DPP6: variants seen among roughly 807,000 people sequenced by gnomAD.
DPP6 encodes A-type potassium channel modulatory protein DPP6.
Under a neutral mutation model 122.6 loss-of-function variants are expected in DPP6, and 69 were observed. The observed-to-expected ratio is 0.56, with a 90% CI of 0.46 to 0.69. The LOEUF is 0.69. DPP6 is among the 30% of genes least tolerant of loss of function. The pLI is 0.00. For synonymous variants in DPP6, 418 were observed against 433.1 expected, an observed-to-expected ratio of 0.97 and a Z score of 0.43; for missense variants, 928 against 1,116.9, an observed-to-expected ratio of 0.83 and a Z score of 2.41.
intron 8 of DPP6, among the ~76,000 whole-genome samples, chr7:154,729,183 G>A (rs1233453612): frequency 1.3e-5 from 2 of 152,140 alleles, no homozygotes; most frequent in African/African-American, 4.8e-5. Context: ...TTCCAGCATG[G>A]GGCTGATGAA....
chr7:153,798,896 G>T, the DPP6 span, among the ~76,000 whole-genome samples: 1 of 152,132 alleles, frequency 6.6e-6, no homozygotes, highest in Non-Finnish European at 1.5e-5. Context: ...GCACAGACTA[G>T]ATCCCTTACA....
chr7:153,873,422 G>GCCTA, the DPP6 span, among the ~76,000 whole-genome samples: 8 of 152,102 alleles, frequency 5.3e-5, no homozygotes, highest in African/African-American at 1.9e-4. Context: ...TACGTTTGAG[G>GCCTA]CCTACCTAAT....
At chr7:154,205,376 G>C (rs1799387576) in intron 1 of DPP6, among the ~76,000 whole-genome samples, 1 of 152,142 alleles carries the variant, frequency 6.6e-6, no homozygotes, top group South Asian at 2.1e-4. Context: ...GACAACCACT[G>C]ATCCATTCTC....
intron 4 of DPP6, among the ~76,000 whole-genome samples, chr7:154,546,838 G>T (rs1257361162): frequency 6.6e-6 from 1 of 152,182 alleles, no homozygotes. Context: ...ATTAGAACTC[G>T]AGACTACTTT....
At chr7:154,799,764 G>C (rs1798246517) in intron 12 of DPP6, among the ~76,000 whole-genome samples, 1 of 152,236 alleles carries the variant, frequency 6.6e-6, no homozygotes, top group Admixed American at 6.5e-5. Flanking sequence ...TATCCAGAGA[G>C]ACTAGAAACG....
rs1795272986 is a variant in DPP6, at chr7:153,960,163, T to G, written c.51+72429T>G. The stretch of plus-strand genomic sequence containing the variant: ...TCATAAAGTAAAACTTTATGAAGTT[T>G]GGGGTACCTGTGGCCATTTCTTAAA... On this transcript the variant is annotated intron_variant, in intron 1 of 25. Transcript: ENST00000404039. Among the ~76,000 whole-genome samples the G allele has an allele frequency of 2.0e-5, 3 of 151,728 alleles. No homozygotes were observed. The South Asian group carries it at 6.2e-4, about 32-fold the overall frequency.
chr7:154,423,143 C>G (rs1026291637), intron 1 of DPP6, among the ~76,000 whole-genome samples: 1 of 152,148 alleles, frequency 6.6e-6, no homozygotes, highest in Admixed American at 6.5e-5. Flanking sequence ...AGATTTTAAT[C>G]AGCAACAACT....
chr7:154,783,682 C>T (rs542239746), intron 10 of DPP6, among the ~76,000 whole-genome samples: 5 of 152,314 alleles, frequency 3.3e-5, no homozygotes, highest in South Asian at 2.1e-4. Flanking sequence ...TTTGTCCCCT[C>T]GAGAGACAGT....
chr7:154,354,885 T>A (rs10266324), intron 1 of DPP6, among the ~76,000 whole-genome samples: 4 of 152,222 alleles, frequency 2.6e-5, no homozygotes, highest in African/African-American at 9.6e-5. Flanking sequence ...ATATTGATGG[T>A]TGTGAGCTAT....
intron 10 of DPP6, among the ~76,000 whole-genome samples, chr7:154,781,554 G>A (rs753289450): frequency 3.2e-4 from 49 of 152,252 alleles, no homozygotes; most frequent in Middle Eastern, 3.4e-3. Flanking sequence ...GCACTCTGCC[G>A]GCAGATGTTT....
chr7:153,984,622 G>A (rs1474505512), intron 1 of DPP6, among the ~76,000 whole-genome samples: 4 of 152,152 alleles, frequency 2.6e-5, no homozygotes, highest in East Asian at 1.9e-4. Flanking sequence ...TTTTGCATTC[G>A]CATAGCTGAA....
rs563589426 is a variant in DPP6 at position 153,955,739 on chromosome 7, C to T, written c.51+68005C>T. Among the ~76,000 whole-genome samples the T allele has an allele frequency of 3.9e-5, 6 of 152,060 alleles. No homozygotes were observed. In the East Asian group the frequency reaches 5.8e-4, roughly 15 times the overall value. On this transcript the variant is annotated intron_variant, in intron 1 of 25. Transcript: ENST00000404039. ...CAGGCGTGAGTCACTGCGCCCGGCC[C>T]GTTGTTGTTATTTTAGAATTAAGAA...
chr7:154,513,641 C>T (rs568408984), intron 3 of DPP6, among the ~76,000 whole-genome samples: 36 of 152,262 alleles, frequency 2.4e-4, no homozygotes, highest in African/African-American at 8.7e-4. Flanking sequence ...CCCTGGGAAA[C>T]ATGGGAAAAT....
At chr7:154,611,385 A>G (rs532558954) in intron 5 of DPP6, among the ~76,000 whole-genome samples, 3 of 152,310 alleles carry the variant, frequency 2.0e-5, no homozygotes, top group Admixed American at 6.5e-5. Context: ...TTCACACAAA[A>G]TAGTGGTTCA....
intron 1 of DPP6, among the ~76,000 whole-genome samples, chr7:154,207,112 G>T (rs1386767351): frequency 7.0e-6 from 1 of 141,968 alleles, no homozygotes; most frequent in Admixed American, 7.6e-5. Flanking sequence ...AGATGAAAAT[G>T]TGGAATATTG....
intron 15 of DPP6, among the ~76,000 whole-genome samples, chr7:154,806,563 G>A (rs1047186573): frequency 4.6e-5 from 7 of 152,206 alleles, no homozygotes; most frequent in South Asian, 2.1e-4. Flanking sequence ...ACATGCCAGC[G>A]TTTGGAACCC....
At chr7:154,284,299 A>C (rs1388733200) in intron 1 of DPP6, among the ~76,000 whole-genome samples, 2 of 152,234 alleles carry the variant, frequency 1.3e-5, no homozygotes, top group Non-Finnish European at 2.9e-5. Context: ...CAGATGAGTC[A>C]TGCAAATTTT....
chr7:154,293,714 A>C (rs764804082), intron 1 of DPP6, among the ~76,000 whole-genome samples: 4 of 152,162 alleles, frequency 2.6e-5, no homozygotes, highest in Non-Finnish European at 4.4e-5. Flanking sequence ...GTTCTATGAG[A>C]AGCTCTGTGT....
chr7:154,324,335 C>A (rs750398919), intron 1 of DPP6, among the ~76,000 whole-genome samples: 1 of 152,108 alleles, frequency 6.6e-6, no homozygotes, highest in Non-Finnish European at 1.5e-5. Context: ...TTTGCTTGTG[C>A]GCTCCCCCCT....
Sources: allele counts gnomAD v4.1 joint callset (sites outside exome capture counted in the v4.1 genomes callset), GRCh38; gene constraint gnomAD v4.1.1; transcripts MANE v1.5; gene names NCBI Gene and HGNC (gene_info 2026-07-23, HGNC 2026-07-21).